The following VAT1L variants were observed in gnomAD, a reference collection of about 807,000 sequenced individuals.
VAT1L encodes the protein vesicle amine transport 1 like, also known as putative NADPH-dependent quinone oxidoreductase VAT1L.
VAT1L carries 34 observed loss-of-function variants against 44.1 expected under a neutral mutation model. That is an observed-to-expected ratio of 0.77 (90% CI 0.59 to 1.03). The LOEUF is 1.03. Among genes scored for constraint, VAT1L ranks in the 50% least tolerant of loss-of-function variants. The pLI is 0.00. For synonymous variants in VAT1L, 253 were observed against 202.2 expected (o/e 1.25, Z -2.13); for missense variants, 615 against 538.8 (o/e 1.14, Z -1.40).
At chr16:77,867,112 C>G (rs762403218) in intron 4 of VAT1L, among the ~76,000 whole-genome samples, 8 of 152,130 alleles carry the variant, frequency 5.3e-5, no homozygotes, top group African/African-American at 9.7e-5. Context: ...GGTGAACATT[C>G]CTCATTTTAC....
chr16:77,891,634 G>C (rs2017266834), intron 7 of VAT1L, among the ~76,000 whole-genome samples: 1 of 152,156 alleles, frequency 6.6e-6, no homozygotes, highest in African/African-American at 2.4e-5. Context: ...AATGACTATG[G>C]TTTAATTAGA....
intron 1 of VAT1L, among the ~76,000 whole-genome samples, chr16:77,799,333 C>T (rs1457811614): frequency 2.6e-5 from 4 of 151,290 alleles, no homozygotes; most frequent in African/African-American, 9.7e-5. Flanking sequence ...CCCTTTTCTC[C>T]CTCCCACTTT....
intron 1 of VAT1L, among the ~76,000 whole-genome samples, chr16:77,790,611 A>G (rs1240746597): frequency 6.6e-6 from 1 of 152,192 alleles, no homozygotes; most frequent in Non-Finnish European, 1.5e-5. Flanking sequence ...AATTACCTGT[A>G]TACACACACC....
At chr16:77,857,823 A>G (rs1393028556) in intron 3 of VAT1L, among the ~76,000 whole-genome samples, 1 of 145,956 alleles carries the variant, frequency 6.9e-6, no homozygotes, top group Non-Finnish European at 1.5e-5. Flanking sequence ...TGGATTACCT[A>G]TATTATCTCT....
chr16:77,977,486 C>A lies in VAT1L; in HGVS notation c.1162-111C>A, dbSNP rs184553718. 11 of 1,055,134 alleles carry A rather than the reference C, an allele frequency of 1.0e-5. No homozygotes were observed. In the Admixed American group the frequency reaches 1.2e-4, roughly 11 times the overall value. 65.4% of individuals were successfully genotyped at this position (1,055,134 alleles called of 1,614,324 possible). ...CTGCATTGCCTTCCAGGGAAACAAGCAACCCTAGTTCCTAGCCCCCAAGAA... is the reference window on the plus strand; with the variant it reads ...CTGCATTGCCTTCCAGGGAAACAAGAAACCCTAGTTCCTAGCCCCCAAGAA... On this transcript the variant is annotated intron_variant, in intron 8 of 8. Transcript: ENST00000302536.
chr16:77,860,632 C>G (rs1225407417), intron 3 of VAT1L, among the ~76,000 whole-genome samples: 1 of 152,208 alleles, frequency 6.6e-6, no homozygotes, highest in Non-Finnish European at 1.5e-5. Flanking sequence ...GGAGCTATAA[C>G]TATGACATAT....
chr16:77,833,817 G>C (rs534090459), intron 3 of VAT1L, among the ~76,000 whole-genome samples: 21 of 150,986 alleles, frequency 1.4e-4, no homozygotes, highest in Admixed American at 5.3e-4. Flanking sequence ...AGGTGAGGGG[G>C]GCTTCATTAG....
chr16:77,793,204 C>G lies in VAT1L; in HGVS notation c.233+4289C>G, dbSNP rs73574817. On this transcript the variant is annotated intron_variant, in intron 1 of 8. Coordinates refer to ENST00000302536, the MANE Select transcript of VAT1L (RefSeq NM_020927.3). ...ATGGTTCACTGCCACCTTGATCTCC[C>G]TGGCTCAAGTGATCCTCCTGCCTTG... Among the ~76,000 whole-genome samples, 849 of 152,266 alleles carry G rather than the reference C, an allele frequency of 5.6e-3. 3 individuals are homozygous for G. Among genetic ancestry groups the G allele is most frequent in the African/African-American group, 0.02 (812 of 41,554 alleles).
intron 3 of VAT1L, among the ~76,000 whole-genome samples, chr16:77,826,712 GT>G (rs2016527655): frequency 1.3e-5 from 2 of 152,264 alleles, no homozygotes; most frequent in Admixed American, 6.5e-5. Flanking sequence ...TGGGTGGAAC[GT>G]TAGTGTTTCT....
At chr16:77,851,769 A>G (rs2142433859) in intron 3 of VAT1L, among the ~76,000 whole-genome samples, 1 of 152,288 alleles carries the variant, frequency 6.6e-6, no homozygotes, top group African/African-American at 2.4e-5. Flanking sequence ...GCTGAGGCTC[A>G]GAGAGATGAA....
intron 7 of VAT1L, among the ~76,000 whole-genome samples, chr16:77,968,216 G>A (rs2018243504): frequency 1.3e-5 from 2 of 152,220 alleles, no homozygotes; most frequent in South Asian, 4.1e-4. Flanking sequence ...CTGCAATTGG[G>A]GTGTTACAGG....
At chr16:77,961,335 A>C (rs451872) in intron 7 of VAT1L, among the ~76,000 whole-genome samples, 52,069 of 151,802 alleles carry the variant, frequency 0.34, 9,061 homozygotes, top group South Asian at 0.46. Context: ...ATCACCATGA[A>C]CCGGGTTCAA....
At chr16:77,897,184 G>C (rs956784870) in intron 7 of VAT1L, among the ~76,000 whole-genome samples, 1 of 152,152 alleles carries the variant, frequency 6.6e-6, no homozygotes, top group Admixed American at 6.5e-5. Flanking sequence ...TAATGCATGA[G>C]TAAAAGGTCA....
chr16:77,800,751 T>C (rs191960772), intron 1 of VAT1L: 1 of 152,344 alleles, frequency 6.6e-6, no homozygotes, highest in South Asian at 2.1e-4. Context: ...ACATGCTACC[T>C]TGTATATTTA....
At chr16:77,913,733 A>G (rs951307991) in intron 7 of VAT1L, among the ~76,000 whole-genome samples, 1 of 152,188 alleles carries the variant, frequency 6.6e-6, no homozygotes, top group African/African-American at 2.4e-5. Flanking sequence ...ATAAATGTGT[A>G]TTGTAACAAA....
In VAT1L at chr16:77,954,349, G is replaced by C. The variant is rs1033567559; in HGVS notation, c.1078-17501G>C. ...ATAGCAAAAAGTGGAATGTCAGGCCGGGCGCGGTGGCTCACGCCTGTAATC... is the reference window on the plus strand; with the variant it reads ...ATAGCAAAAAGTGGAATGTCAGGCCCGGCGCGGTGGCTCACGCCTGTAATC... On this transcript the variant is annotated intron_variant, in intron 7 of 8. Coordinates refer to ENST00000302536, the MANE Select transcript of VAT1L (RefSeq NM_020927.3). Among the ~76,000 whole-genome samples the C allele has an allele frequency of 2.0e-5, 3 of 152,174 alleles. No individual in the cohort carries two copies. In the East Asian group the frequency reaches 5.8e-4, roughly 29 times the overall value.
At chr16:77,959,305 C>T (rs190331857) in intron 7 of VAT1L, among the ~76,000 whole-genome samples, 1 of 152,212 alleles carries the variant, frequency 6.6e-6, no homozygotes, top group Non-Finnish European at 1.5e-5. Flanking sequence ...GGCTCACGCA[C>T]TTTAGACTCC....
chr16:77,830,510 C>T (rs2016567627), intron 3 of VAT1L, among the ~76,000 whole-genome samples: 1 of 152,124 alleles, frequency 6.6e-6, no homozygotes, highest in African/African-American at 2.4e-5. Context: ...CTTTCCCATG[C>T]TGTTCTTGTG....
chr16:77,789,126 G>A (rs1479920728), intron 1 of VAT1L, among the ~76,000 whole-genome samples: 1 of 152,144 alleles, frequency 6.6e-6, no homozygotes, highest in Non-Finnish European at 1.5e-5. Context: ...GGTGACGGGA[G>A]GAGAATGTGA....
Sources: gnomAD v4.1 joint callset for allele counts (sites outside exome capture counted in the v4.1 genomes callset) on GRCh38, gnomAD v4.1.1 for gene constraint, MANE v1.5 for transcripts, NCBI Gene and HGNC (gene_info 2026-07-23, HGNC 2026-07-21) for gene names.